The following NKAIN2 variants were observed in gnomAD, a reference collection of about 807,000 sequenced individuals.
The protein encoded by NKAIN2 is sodium/potassium transporting ATPase interacting 2, also known as sodium/potassium-transporting ATPase subunit beta-1-interacting protein 2.
Under a neutral mutation model 32.6 loss-of-function variants are expected in NKAIN2, and 14 were observed. The ratio of observed to expected loss-of-function variants is 0.43; its 90% CI spans 0.28 to 0.67. The LOEUF (loss-of-function observed/expected upper bound fraction) is 0.67. Among genes scored for constraint, NKAIN2 ranks in the 30% least tolerant of loss-of-function variants. The pLI is 0.17. For synonymous variants in NKAIN2, 80 were observed against 87.2 expected (o/e 0.92, Z 0.46); for missense variants, 198 against 258.3 (o/e 0.77, Z 1.60).
chr6:124,694,211 T>A (rs1444453068), intron 4 of NKAIN2, among the ~76,000 whole-genome samples: 1 of 152,134 alleles, frequency 6.6e-6, no homozygotes, highest in Admixed American at 6.6e-5. Context: ...AATGGAATGT[T>A]CTTCACCCTG....
chr6:124,325,439 T>C (rs1403829912), intron 2 of NKAIN2, among the ~76,000 whole-genome samples: 4 of 152,090 alleles, frequency 2.6e-5, no homozygotes, highest in Admixed American at 6.6e-5. Flanking sequence ...GAAAGTCTTA[T>C]ATATGAATGT....
At chr6:124,244,658 T>G (rs1793297221) in intron 1 of NKAIN2, among the ~76,000 whole-genome samples, 1 of 152,072 alleles carries the variant, frequency 6.6e-6, no homozygotes, top group African/African-American at 2.4e-5. Flanking sequence ...TCAGGAGCAT[T>G]CTAACAATTT....
intron 1 of NKAIN2, among the ~76,000 whole-genome samples, chr6:124,266,185 T>G (rs1040074017): frequency 2.6e-5 from 4 of 152,206 alleles, no homozygotes; most frequent in Non-Finnish European, 5.9e-5. Flanking sequence ...AGAATGTTTA[T>G]TGACAAATAA....
At chr6:124,468,635 A>G (rs1179322191) in intron 3 of NKAIN2, among the ~76,000 whole-genome samples, 1 of 152,172 alleles carries the variant, frequency 6.6e-6, no homozygotes, top group Non-Finnish European at 1.5e-5. Context: ...TGACTTCATA[A>G]TTGAAAGAAA....
intron 3 of NKAIN2, among the ~76,000 whole-genome samples, chr6:124,554,597 T>G (rs745679919): frequency 6.6e-6 from 1 of 152,220 alleles, no homozygotes; most frequent in African/African-American, 2.4e-5. Flanking sequence ...TTTAAGGAGA[T>G]GAACATTTAT....
chr6:124,375,105 C>G (rs1799926787), intron 3 of NKAIN2, among the ~76,000 whole-genome samples: 1 of 152,010 alleles, frequency 6.6e-6, no homozygotes, highest in Non-Finnish European at 1.5e-5. Context: ...TGGCCTTAGA[C>G]ATGAGACATG....
At chr6:124,492,848 AT>A (rs1777917761) in intron 3 of NKAIN2, among the ~76,000 whole-genome samples, 1 of 152,006 alleles carries the variant, frequency 6.6e-6, no homozygotes, top group Non-Finnish European at 1.5e-5. Flanking sequence ...CATACTGAAA[AT>A]TTTGCCACTA....
intron 3 of NKAIN2, among the ~76,000 whole-genome samples, chr6:124,362,380 T>C (rs1466320268): frequency 6.6e-6 from 1 of 152,160 alleles, no homozygotes; most frequent in Non-Finnish European, 1.5e-5. Context: ...TGGAATTTGG[T>C]CAGTCACAAT....
chr6:124,184,758 T>C (rs1789626288), intron 1 of NKAIN2, among the ~76,000 whole-genome samples: 1 of 151,850 alleles, frequency 6.6e-6, no homozygotes, highest in African/African-American at 2.4e-5. Context: ...AAAATATCTT[T>C]ATTTAGTCCC....
chr6:124,212,490 A>C (rs802244), intron 1 of NKAIN2, among the ~76,000 whole-genome samples: 108,235 of 151,820 alleles, frequency 0.71, 38,745 homozygotes, highest in South Asian at 0.8. Context: ...AATTGGTCCA[A>C]TGGCAGCTAC....
intron 1 of NKAIN2, among the ~76,000 whole-genome samples, chr6:124,193,309 G>T (rs1307341644): frequency 2.0e-5 from 3 of 152,196 alleles, no homozygotes; most frequent in African/African-American, 7.2e-5. Flanking sequence ...AGGGGTGTGT[G>T]AGTGAGCGAG....
intron 1 of NKAIN2, among the ~76,000 whole-genome samples, chr6:124,080,801 A>C (rs1783931997): frequency 6.6e-6 from 1 of 152,066 alleles, no homozygotes. Context: ...CTGTATTTCT[A>C]TAAATGGGAA....
intron 4 of NKAIN2, among the ~76,000 whole-genome samples, chr6:124,738,056 A>G (rs1777035881): frequency 6.6e-6 from 1 of 151,930 alleles, no homozygotes; most frequent in South Asian, 2.1e-4. Context: ...TGCATAAGAA[A>G]CAAAGAGCCA....
intron 1 of NKAIN2, among the ~76,000 whole-genome samples, chr6:124,245,165 C>T (rs1229072754): frequency 6.6e-6 from 1 of 152,018 alleles, no homozygotes; most frequent in African/African-American, 2.4e-5. Context: ...TCTTTTTTCA[C>T]CTAAGTGTGT....
chr6:124,173,416 G>A (rs1788993674), intron 1 of NKAIN2, among the ~76,000 whole-genome samples: 1 of 152,070 alleles, frequency 6.6e-6, no homozygotes, highest in Non-Finnish European at 1.5e-5. Context: ...CAGTAATGAA[G>A]TGAGATACCT....
At chr6:124,791,725 A>G (rs899482237) in intron 5 of NKAIN2, among the ~76,000 whole-genome samples, 1 of 152,128 alleles carries the variant, frequency 6.6e-6, no homozygotes, top group Non-Finnish European at 1.5e-5. Flanking sequence ...TAACTTGACC[A>G]TTCTCTTTTT....
chr6:124,455,810 G>A (rs576956907), intron 3 of NKAIN2, among the ~76,000 whole-genome samples: 2 of 151,870 alleles, frequency 1.3e-5, no homozygotes, highest in African/African-American at 4.8e-5. Context: ...AATATATACA[G>A]AAACATATAT....
rs576196054 is a variant in NKAIN2, at chr6:124,549,635, G to A, written c.274-108551G>A. Among the ~76,000 whole-genome samples the A allele has an allele frequency of 1.3e-4, 20 of 151,248 alleles. No individual in the cohort carries two copies. In the South Asian group the frequency reaches 4.1e-3, roughly 31 times the overall value. On this transcript the variant is annotated intron_variant, in intron 3 of 6. Coordinates refer to ENST00000368417, the MANE Select transcript of NKAIN2 (RefSeq NM_001040214.3). Reference sequence around the variant, plus strand: ...ATCCCACATCTCGTTTAGTTGTCATGATGCCTTCTCTCCTCGAATCTGAGA... The same window carrying A: ...ATCCCACATCTCGTTTAGTTGTCATAATGCCTTCTCTCCTCGAATCTGAGA...
chr6:124,068,765 G>A (rs1229260576), intron 1 of NKAIN2, among the ~76,000 whole-genome samples: 1 of 130,426 alleles, frequency 7.7e-6, no homozygotes, highest in Non-Finnish European at 1.7e-5. Context: ...AAACGGGGAA[G>A]GGAACCAGCA....
Sources: allele counts gnomAD v4.1 joint callset (sites outside exome capture counted in the v4.1 genomes callset), GRCh38; gene constraint gnomAD v4.1.1; transcripts MANE v1.5; gene names NCBI Gene and HGNC (gene_info 2026-07-23, HGNC 2026-07-21).